The following ANKRD36 variants were observed in gnomAD, a reference collection of about 807,000 sequenced individuals.
ANKRD36 encodes ankyrin repeat domain 36.
A neutral mutation model predicts 278.1 loss-of-function variants in ANKRD36; 179 were observed. That is an observed-to-expected ratio of 0.64 (90% confidence interval 0.57 to 0.73). ANKRD36 has a LOEUF of 0.73. Ranked by LOEUF, ANKRD36 falls within the 30% of genes least tolerant of loss-of-function variation. The pLI, the probability that ANKRD36 is intolerant of heterozygous loss-of-function variation, is 0.00. For missense variants in ANKRD36, 1,159 were observed against 1,956.7 expected (o/e 0.59, Z 7.69); for synonymous variants, 320 against 641.1 (o/e 0.50, Z 7.57).
chr2:97,146,294 T>A (rs1396529844), intron 10 of ANKRD36, among the ~76,000 whole-genome samples, 192 bp from the exon 11 acceptor site: 1 of 151,758 alleles, frequency 6.6e-6, no homozygotes. Flanking sequence ...TTTAACTTTT[T>A]AAAAATAAAG....
intron 24 of ANKRD36, among the ~76,000 whole-genome samples, chr2:97,180,860 A>G (rs534410946): frequency 1.8e-4 from 27 of 151,814 alleles, no homozygotes; most frequent in Non-Finnish European, 3.4e-4. Context: ...AAACTTATTA[A>G]TATCTAATGC....
At chr2:97,172,748 G>A (rs2052965845) in intron 22 of ANKRD36, among the ~76,000 whole-genome samples, 1 of 151,920 alleles carries the variant, frequency 6.6e-6, no homozygotes, top group Non-Finnish European at 1.5e-5. Context: ...TCCCTATAGA[G>A]TGTTCCCAGA....
intron 22 of ANKRD36, among the ~76,000 whole-genome samples, chr2:97,176,603 T>C (rs1044841808): frequency 1.3e-5 from 2 of 148,856 alleles, no homozygotes; most frequent in Admixed American, 1.4e-4. Flanking sequence ...TGTCTTTTAA[T>C]TGGAGCATTT....
At chr2:97,242,689 G>A (rs1450306099) in intron 69 of ANKRD36, among the ~76,000 whole-genome samples, 1 of 136,848 alleles carries the variant, frequency 7.3e-6, no homozygotes, top group African/African-American at 2.8e-5. Flanking sequence ...TGCAATGAAT[G>A]TTTCATGAAG....
At chr2:97,196,389 T>C (rs1341481792) in intron 40 of ANKRD36, among the ~76,000 whole-genome samples, 1 of 151,984 alleles carries the variant, frequency 6.6e-6, no homozygotes, top group Non-Finnish European at 1.5e-5. Flanking sequence ...TGTTTGAAAT[T>C]ATAAGGGTAT....
chr2:97,201,474 T>C (rs1462356095), intron 46 of ANKRD36, among the ~76,000 whole-genome samples: 6 of 151,966 alleles, frequency 3.9e-5, no homozygotes, highest in African/African-American at 1.2e-4. Context: ...CAGTTTTACT[T>C]TGTGGAAATA....
intron 22 of ANKRD36, among the ~76,000 whole-genome samples, chr2:97,176,077 G>T (rs2054152640): frequency 1.3e-5 from 2 of 151,714 alleles, no homozygotes; most frequent in Non-Finnish European, 2.9e-5. Flanking sequence ...GGTGTGGTGT[G>T]GTGCTGAAAA....
chr2:97,122,836 G>A (rs1460463916), intron 3 of ANKRD36, 51 bp from the exon 4 acceptor site: 3 of 1,484,114 alleles, frequency 2.0e-6, no homozygotes, highest in African/African-American at 1.4e-5. Context: ...TTTCAGTTCA[G>A]TTGATAAATA....
chr2:97,183,478 G>T lies in ANKRD36; in HGVS notation c.1857G>T (p.Ser619=). 1.9e-6 allele frequency: 3 copies of T among 1,565,362 alleles called. No individual in the cohort carries two copies. The highest frequency in any genetic ancestry group is 2.6e-6 in the Non-Finnish European group (3 of 1,155,098). ...TTTCAGTGTCTCCTCAGAAACAATC[G>T]GCCTGGAAGGTAGTTACTCTTTCAT... ...QSGTVSPQKQ[S]AWKVIFKKKV... The change falls in exon 27 of 76, where the codon TCG becomes TCT. Residue 619 remains serine, a synonymous_variant. Coordinates refer to ENST00000420699, the MANE Select transcript of ANKRD36 (RefSeq NM_001354587.1).
chr2:97,188,381 G>C lies in ANKRD36; in HGVS notation c.2144-706G>C, dbSNP rs530657428. ...TACTTTGTAGAAGTATGTCAAAATT[G>C]ATAATTGATGATATTTTTATTGAGG... On this transcript the variant is annotated intron_variant, in intron 32 of 75. Coordinates refer to ENST00000420699, the MANE Select transcript of ANKRD36 (RefSeq NM_001354587.1). Among the ~76,000 whole-genome samples the C allele has an allele frequency of 2.6e-5, 4 of 151,542 alleles. No homozygotes were observed. The Middle Eastern group carries it at 0.01, about 387-fold the overall frequency.
At chr2:97,195,570 C>T (rs1444984796) in intron 40 of ANKRD36, among the ~76,000 whole-genome samples, 2 of 151,976 alleles carry the variant, frequency 1.3e-5, no homozygotes, top group Non-Finnish European at 2.9e-5. Flanking sequence ...ACTCATTACT[C>T]CTCTTTGTTA....
chr2:97,189,683 A>T (rs1387979731), intron 34 of ANKRD36, among the ~76,000 whole-genome samples: 1 of 81,620 alleles, frequency 1.2e-5, no homozygotes, highest in African/African-American at 2.8e-5. Context: ...CAGAGAACTG[A>T]TAGTAATAAC....
At position 97,159,171 on chromosome 2, in the gene ANKRD36, G is replaced by A. The variant is rs1047583643; in HGVS notation, c.1389+516G>A. On this transcript the variant is annotated intron_variant, in intron 17 of 75. Coordinates refer to ENST00000420699, the MANE Select transcript of ANKRD36 (RefSeq NM_001354587.1). ...TTTAAATATAGATTAAGAAAAGAAA[G>A]CCAAGTAATTGAAAAATTCTCAGAT... Among the ~76,000 whole-genome samples, 12 of 151,942 alleles carry A rather than the reference G, an allele frequency of 7.9e-5. 1 individual carries two copies. The highest frequency in any genetic ancestry group is 2.2e-4 in the African/African-American group (9 of 41,418).
intron 11 of ANKRD36, 146 bp downstream of exon 11, chr2:97,146,662 T>C: frequency 1.6e-6 from 1 of 637,820 alleles, no homozygotes; most frequent in Non-Finnish European, 2.3e-6. Context: ...CCACACAGCT[T>C]TACAAATTAT....
chr2:97,141,323 A>G (rs1244558401), intron 6 of ANKRD36, among the ~76,000 whole-genome samples: 1 of 147,530 alleles, frequency 6.8e-6, no homozygotes, highest in Non-Finnish European at 1.5e-5. Flanking sequence ...CCTTATTTAC[A>G]TGGGAATCTG....
intron 22 of ANKRD36, among the ~76,000 whole-genome samples, chr2:97,177,943 A>G (rs1162379316): frequency 6.7e-6 from 1 of 149,734 alleles, no homozygotes; most frequent in African/African-American, 2.4e-5. Context: ...CAAAGGGCTA[A>G]TATCCAGAAT....
intron 58 of ANKRD36, among the ~76,000 whole-genome samples, chr2:97,212,420 G>A (rs1223768835): frequency 1.3e-5 from 2 of 151,834 alleles, no homozygotes; most frequent in Non-Finnish European, 2.9e-5. Flanking sequence ...TTACTATTAG[G>A]CATCAGAGAT....
At chr2:97,182,375 G>A (rs951906458) in intron 26 of ANKRD36, among the ~76,000 whole-genome samples, 2 of 133,592 alleles carry the variant, frequency 1.5e-5, no homozygotes, top group African/African-American at 5.0e-5. Flanking sequence ...TTAGGAAACA[G>A]TGGAAGCAGG....
intron 67 of ANKRD36, among the ~76,000 whole-genome samples, chr2:97,227,090 G>A (rs1336379313): frequency 6.6e-6 from 1 of 152,138 alleles, no homozygotes; most frequent in Non-Finnish European, 1.5e-5. Flanking sequence ...TTTGGCTAAG[G>A]ATTGACTTAG....
Sources: allele counts gnomAD v4.1 joint callset (sites outside exome capture counted in the v4.1 genomes callset), GRCh38; gene constraint gnomAD v4.1.1; transcripts MANE v1.5; gene names NCBI Gene and HGNC (gene_info 2026-07-23, HGNC 2026-07-21).